ZMIZ1: variants seen among roughly 807,000 people sequenced by gnomAD.
ZMIZ1 encodes the protein zinc finger MIZ-type containing 1.
ZMIZ1 carries 17 observed loss-of-function variants against 113.9 expected under a neutral mutation model. That is an observed-to-expected ratio of 0.15 (90% CI 0.10 to 0.22). The LOEUF (loss-of-function observed/expected upper bound fraction) is 0.22. Ranked by LOEUF, ZMIZ1 falls within the 10% of genes least tolerant of loss-of-function variation. The probability of loss-of-function intolerance (pLI) is 1.00; values close to 1 mark genes in which losing one functional copy is unlikely to be tolerated. For missense variants in ZMIZ1, 1,059 were observed against 1,477.8 expected (o/e 0.72, Z 4.65); for synonymous variants, 607 against 603.1 (o/e 1.01, Z -0.09).
chr10:79,292,143 C>A lies in ZMIZ1; in HGVS notation c.759-15C>A. 1 of 1,599,758 alleles carries A rather than the reference C, an allele frequency of 6.3e-7. No homozygotes were observed. Among genetic ancestry groups the A allele is most frequent in the South Asian group, 1.1e-5 (1 of 90,346 alleles). ...GCAGGCAGTACCTAACTCTTCCACC[C>A]TTCTCCCCCTGCAGTTACCCTGGGG... is the stretch of plus-strand genomic sequence containing the variant. On this transcript the variant is annotated splice_polypyrimidine_tract_variant and intron_variant, in intron 10 of 24. Coordinates refer to ENST00000334512, the MANE Select transcript of ZMIZ1 (RefSeq NM_020338.4).
chr10:79,192,157 G>A lies in ZMIZ1; in HGVS notation c.-49-9427G>A, dbSNP rs554821900. Among the ~76,000 whole-genome samples, 4 of 152,338 alleles carry A rather than the reference G, an allele frequency of 2.6e-5. No homozygotes were observed. The East Asian group carries it at 7.7e-4, about 29-fold the overall frequency. ...GGATGGCAGGGGGGTTTGGCCTCAA[G>A]GGCATGGCCTCCTCTAAAGTGCCAT... is the stretch of plus-strand genomic sequence containing the variant. On this transcript the variant is annotated intron_variant, in intron 4 of 24. Transcript: ENST00000334512.
chr10:79,268,594 G>T (rs1338192343), intron 7 of ZMIZ1, among the ~76,000 whole-genome samples: 1 of 152,228 alleles, frequency 6.6e-6, no homozygotes. Flanking sequence ...CGCCGTGCTG[G>T]GTGCCAGGGT....
At chr10:79,293,337 C>CTTTTT in intron 11 of ZMIZ1, 44 bp from the exon 12 acceptor site, 1 of 1,350,508 alleles carries the variant, frequency 7.4e-7, no homozygotes, top group South Asian at 1.5e-5. Flanking sequence ...GCATTTTATT[C>CTTTTT]TTTTTTTTTT....
At chr10:79,122,770 C>G (rs978162671) in intron 2 of ZMIZ1, among the ~76,000 whole-genome samples, 4 of 152,198 alleles carry the variant, frequency 2.6e-5, no homozygotes, top group African/African-American at 9.7e-5. Flanking sequence ...TACAACCATC[C>G]TAAGTTCCTG....
intron 1 of ZMIZ1, among the ~76,000 whole-genome samples, chr10:79,090,898 C>A (rs1842966624): frequency 6.6e-6 from 1 of 152,222 alleles, no homozygotes; most frequent in African/African-American, 2.4e-5. Context: ...GATACACTGG[C>A]CTCATCGCCA....
At chr10:79,269,315 G>C (rs1851794653) in intron 7 of ZMIZ1, among the ~76,000 whole-genome samples, 1 of 152,100 alleles carries the variant, frequency 6.6e-6, no homozygotes, top group Non-Finnish European at 1.5e-5. Context: ...ACCTGCCAGG[G>C]CATGGTTTGA....
intron 7 of ZMIZ1, among the ~76,000 whole-genome samples, chr10:79,246,348 C>T (rs1021413285): frequency 3.3e-5 from 5 of 152,242 alleles, no homozygotes; most frequent in African/African-American, 9.6e-5. Context: ...CGGGCGGGAG[C>T]GCCAGCTCAG....
At chr10:79,233,875 T>A (rs1448104262) in intron 7 of ZMIZ1, among the ~76,000 whole-genome samples, 1 of 151,998 alleles carries the variant, frequency 6.6e-6, no homozygotes, top group Non-Finnish European at 1.5e-5. Context: ...GCCCAACACT[T>A]TGATCGGCAT....
intron 7 of ZMIZ1, among the ~76,000 whole-genome samples, chr10:79,218,482 C>T (rs1325102672): frequency 6.6e-6 from 1 of 151,610 alleles, no homozygotes; most frequent in Non-Finnish European, 1.5e-5. Context: ...CTCAAAACAA[C>T]AACAACAACC....
chr10:79,150,924 G>T (rs1029574721), intron 3 of ZMIZ1, among the ~76,000 whole-genome samples: 1 of 152,060 alleles, frequency 6.6e-6, no homozygotes, highest in Non-Finnish European at 1.5e-5. Flanking sequence ...CTCCCTCCTG[G>T]TGGGTGCTCT....
At chr10:79,232,219 C>CT (rs1173328537) in intron 7 of ZMIZ1, among the ~76,000 whole-genome samples, 2 of 152,142 alleles carry the variant, frequency 1.3e-5, no homozygotes, top group Admixed American at 6.5e-5. Context: ...AAACTGTGCC[C>CT]TGCATGTAGT....
intron 7 of ZMIZ1, among the ~76,000 whole-genome samples, chr10:79,264,048 C>G (rs76963553): frequency 7.9e-5 from 12 of 152,292 alleles, no homozygotes; most frequent in Non-Finnish European, 1.5e-4. Context: ...TGTTTAGCCC[C>G]GAGGAAAAAT....
intron 20 of ZMIZ1, 53 bp downstream of exon 20, chr10:79,305,284 G>T (rs1854609035): frequency 1.3e-6 from 2 of 1,596,448 alleles, no homozygotes; most frequent in African/African-American, 2.7e-5. Flanking sequence ...ACCACAGACG[G>T]GAGGGGCCAG....
At chr10:79,299,310 G>C in intron 16 of ZMIZ1, 119 bp downstream of exon 16, 1 of 1,382,000 alleles carries the variant, frequency 7.2e-7, no homozygotes, top group Non-Finnish European at 9.6e-7. Context: ...ACACCTTCAC[G>C]TGTTCAGCAT....
chr10:79,082,377 C>T (rs1478438482), intron 1 of ZMIZ1, among the ~76,000 whole-genome samples: 2 of 152,264 alleles, frequency 1.3e-5, no homozygotes, highest in Non-Finnish European at 2.9e-5. Context: ...TGAGACCCCA[C>T]GCCCAGCTTT....
intron 7 of ZMIZ1, among the ~76,000 whole-genome samples, chr10:79,241,374 T>C (rs1204203964): frequency 2.0e-5 from 3 of 152,104 alleles, no homozygotes; most frequent in Non-Finnish European, 4.4e-5. Context: ...AGTGAATGTC[T>C]CAGTGAGTAA....
intron 5 of ZMIZ1, among the ~76,000 whole-genome samples, chr10:79,207,469 A>G (rs767625526): frequency 2.2e-4 from 34 of 152,198 alleles, no homozygotes; most frequent in Non-Finnish European, 4.3e-4. Context: ...GAGACGGATA[A>G]GAGTGAAGGG....
rs577735279 is a variant in ZMIZ1, at chr10:79,312,841, C to T, written c.*92C>T. On this transcript the variant is annotated 3_prime_UTR_variant, in exon 25 of 25. Coordinates refer to ENST00000334512, the MANE Select transcript of ZMIZ1 (RefSeq NM_020338.4). Reference sequence around the variant, plus strand: ...CACCTGGGAGCCTGTGCCCTCAGACCGCCCCGCACCAGAGCCACGGGCTGT... The same window carrying T: ...CACCTGGGAGCCTGTGCCCTCAGACTGCCCCGCACCAGAGCCACGGGCTGT... 23 of 1,238,548 alleles carry T rather than the reference C, an allele frequency of 1.9e-5. No individual in the cohort carries two copies. The highest frequency in any genetic ancestry group is 2.2e-4 in the Middle Eastern group (1 of 4,630). The allele number at this position is 1,238,548 out of a possible 1,614,324, so 76.7% of individuals were successfully genotyped here. A position where few individuals can be genotyped will look rare whatever the true frequency, so the allele number is the denominator to read the frequency against.
rs563582597 is a variant in ZMIZ1, at chr10:79,205,567, A to G, written c.61-2769A>G. Reference sequence around the variant, plus strand: ...GTCTTTCCCTGGGCTCCTGCTCTGTAATGAGTTCCTTGTCGTTTCTCAACT... The same window carrying G: ...GTCTTTCCCTGGGCTCCTGCTCTGTGATGAGTTCCTTGTCGTTTCTCAACT... On this transcript the variant is annotated intron_variant, in intron 5 of 24. Transcript: ENST00000334512. Among the ~76,000 whole-genome samples, 11 of 152,306 alleles carry G rather than the reference A, an allele frequency of 7.2e-5. No individual in the cohort carries two copies. In the East Asian group the frequency reaches 2.1e-3, roughly 29 times the overall value.
Sources: gnomAD v4.1 joint callset for allele counts (sites outside exome capture counted in the v4.1 genomes callset) on GRCh38, gnomAD v4.1.1 for gene constraint, MANE v1.5 for transcripts, NCBI Gene and HGNC (gene_info 2026-07-23, HGNC 2026-07-21) for gene names.